MAPK10: variants seen among roughly 807,000 people sequenced by gnomAD.
MAPK10 encodes the protein JNK3 alpha protein kinase.
In MAPK10, 25 loss-of-function variants were observed where a neutral mutation model predicts 59.3. The observed-to-expected ratio is 0.42, with a 90% confidence interval of 0.31 to 0.59. MAPK10 has a LOEUF of 0.59. Among genes scored for constraint, MAPK10 ranks in the 20% least tolerant of loss-of-function variants. The pLI, the probability that MAPK10 is intolerant of heterozygous loss-of-function variation, is 0.15. For synonymous variants in MAPK10, 190 were observed against 200.5 expected (o/e 0.95, Z 0.44); for missense variants, 351 against 568.9 (o/e 0.62, Z 3.90).
intron 1 of MAPK10, among the ~76,000 whole-genome samples, chr4:86,390,235 T>C (rs1299095121): frequency 6.6e-6 from 1 of 152,226 alleles, no homozygotes; most frequent in East Asian, 1.9e-4. Context: ...TGTATTTCTA[T>C]GAGTTTTATT....
intron 1 of MAPK10, among the ~76,000 whole-genome samples, chr4:86,408,011 G>C (rs1053268010): frequency 6.6e-6 from 1 of 151,960 alleles, no homozygotes; most frequent in Non-Finnish European, 1.5e-5. Context: ...CCATCAACTC[G>C]TCATTTACAT....
At chr4:86,147,680 A>G (rs1027420804) in intron 4 of MAPK10, among the ~76,000 whole-genome samples, 7 of 152,224 alleles carry the variant, frequency 4.6e-5, no homozygotes, top group African/African-American at 1.7e-4. Flanking sequence ...CTATTTAATG[A>G]TTCTTTTAAA....
chr4:86,208,242 A>G (rs552256596), intron 2 of MAPK10, among the ~76,000 whole-genome samples: 11,893 of 150,380 alleles, frequency 0.079, 1,062 homozygotes, highest in African/African-American at 0.22. Context: ...CATTTTATGA[A>G]GCCAGCATCA....
At chr4:86,466,334 C>T (rs1389492887) in intron 1 of MAPK10, among the ~76,000 whole-genome samples, 2 of 152,194 alleles carry the variant, frequency 1.3e-5, no homozygotes, top group East Asian at 1.9e-4. Context: ...CTGCATGCCA[C>T]GGCCACACTA....
At chr4:86,038,821 A>G (rs1475063917) in intron 11 of MAPK10, among the ~76,000 whole-genome samples, 2 of 152,212 alleles carry the variant, frequency 1.3e-5, no homozygotes, top group Non-Finnish European at 2.9e-5. Context: ...AATAATGAAA[A>G]TATTATTGCA....
intron 1 of MAPK10, among the ~76,000 whole-genome samples, chr4:86,477,296 T>C (rs13109115): frequency 0.095 from 14,436 of 152,182 alleles, 881 homozygotes; most frequent in Middle Eastern, 0.15. Flanking sequence ...TAGACAATAC[T>C]CTTTTAAGCA....
intron 4 of MAPK10, chr4:86,124,120 C>G (rs1471693170): frequency 6.6e-6 from 1 of 151,724 alleles, no homozygotes; most frequent in African/African-American, 2.4e-5. Flanking sequence ...TCAGTGATAA[C>G]ACACAAAAAA....
intron 2 of MAPK10, among the ~76,000 whole-genome samples, chr4:86,265,902 T>C (rs563081566): frequency 6.6e-6 from 1 of 152,302 alleles, no homozygotes; most frequent in South Asian, 2.1e-4. Context: ...GCATGAATCC[T>C]AGGCCTGCTC....
chr4:86,351,898 C>A (rs1323389534), intron 2 of MAPK10, among the ~76,000 whole-genome samples: 1 of 152,112 alleles, frequency 6.6e-6, no homozygotes, highest in Non-Finnish European at 1.5e-5. Flanking sequence ...AAGATTTGAG[C>A]AGGTACTTCA....
intron 1 of MAPK10, among the ~76,000 whole-genome samples, chr4:86,368,534 T>C (rs1738262337): frequency 6.6e-6 from 1 of 152,166 alleles, no homozygotes; most frequent in South Asian, 2.1e-4. Flanking sequence ...CAAAAGTAGA[T>C]AAATTGGTCT....
At chr4:86,029,171 A>T (rs749875379) in intron 13 of MAPK10, 26 bp downstream of exon 13, 13 of 1,492,330 alleles carry the variant, frequency 8.7e-6, no homozygotes, top group African/African-American at 1.4e-5. Context: ...GTACTAGTTT[A>T]TTGGTTATTC....
chr4:86,542,922 G>A (rs1482667709), intron 1 of MAPK10, among the ~76,000 whole-genome samples: 1 of 152,104 alleles, frequency 6.6e-6, no homozygotes, highest in East Asian at 1.9e-4. Context: ...CTTGTCGCTG[G>A]CATCAGCCCC....
chr4:86,245,310 A>T (rs2093010537), intron 2 of MAPK10, among the ~76,000 whole-genome samples: 1 of 137,074 alleles, frequency 7.3e-6, no homozygotes, highest in Non-Finnish European at 1.5e-5. Flanking sequence ...CACAAGTGCC[A>T]ATTTTTTTTT....
At chr4:86,031,316 C>T (rs901090542) in intron 12 of MAPK10, 52 bp downstream of exon 12, 47 of 1,275,188 alleles carry the variant, frequency 3.7e-5, no homozygotes, top group Non-Finnish European at 5.3e-5. Flanking sequence ...CTTGTTGATA[C>T]TTTCTGAGTT....
At chr4:86,528,569 T>G (rs1354822757) in intron 1 of MAPK10, among the ~76,000 whole-genome samples, 2 of 152,218 alleles carry the variant, frequency 1.3e-5, no homozygotes, top group African/African-American at 4.8e-5. Context: ...CCTCACTATG[T>G]TGCCCAGGCT....
At chr4:86,544,088 G>T (rs1758950043) in intron 1 of MAPK10, among the ~76,000 whole-genome samples, 1 of 152,126 alleles carries the variant, frequency 6.6e-6, no homozygotes, top group Non-Finnish European at 1.5e-5. Flanking sequence ...GGGGAATGTG[G>T]GAAGGGTTGA....
At chr4:86,031,508 C>T (rs2039012485) in intron 11 of MAPK10, 77 bp from the exon 12 acceptor site, 1 of 972,882 alleles carries the variant, frequency 1.0e-6, no homozygotes, top group African/African-American at 1.6e-5. Flanking sequence ...ACGAGAATAC[C>T]TTGCCCTCAT....
At chr4:86,408,391 T>C (rs1314703344) in intron 1 of MAPK10, among the ~76,000 whole-genome samples, 1 of 152,214 alleles carries the variant, frequency 6.6e-6, no homozygotes, top group Non-Finnish European at 1.5e-5. Context: ...AGTAGCATGA[T>C]TAAAAATCCT....
At chr4:86,110,385 C>T (rs536457414) in intron 4 of MAPK10, among the ~76,000 whole-genome samples, 1 of 152,184 alleles carries the variant, frequency 6.6e-6, no homozygotes, top group African/African-American at 2.4e-5. Context: ...TTTAATCCAT[C>T]TTGAGTTAAT....
Sources: gnomAD v4.1 joint callset for allele counts (sites outside exome capture counted in the v4.1 genomes callset) on GRCh38, gnomAD v4.1.1 for gene constraint, MANE v1.5 for transcripts, NCBI Gene and HGNC (gene_info 2026-07-23, HGNC 2026-07-21) for gene names.